ZNRF1: variants seen among roughly 807,000 people sequenced by gnomAD.
ZNRF1 encodes zinc and ring finger 1, also known as E3 ubiquitin-protein ligase ZNRF1.
In ZNRF1, 3 loss-of-function variants were observed where a neutral mutation model predicts 18.4. The observed-to-expected ratio is 0.16, with a 90% CI of 0.07 to 0.42. ZNRF1 has a LOEUF of 0.42. ZNRF1 is among the 10% of genes least tolerant of loss of function. ZNRF1 has a pLI of 0.99. For synonymous variants in ZNRF1, 157 were observed against 144.2 expected (o/e 1.09, Z -0.64); for missense variants, 310 against 329.8 (o/e 0.94, Z 0.47).
intron 1 of ZNRF1, among the ~76,000 whole-genome samples, chr16:75,086,498 G>A (rs946344469): frequency 2.6e-5 from 4 of 152,210 alleles, no homozygotes; most frequent in Admixed American, 6.5e-5. Context: ...CTCAGCAACT[G>A]ATAAATTGTG....
intron 1 of ZNRF1, among the ~76,000 whole-genome samples, chr16:75,065,653 G>A (rs2035793751): frequency 6.6e-6 from 1 of 152,206 alleles, no homozygotes; most frequent in African/African-American, 2.4e-5. Flanking sequence ...AAGCATGGGT[G>A]TGTACACTCA....
At chr16:75,022,059 C>T (rs1163195880) in intron 1 of ZNRF1, among the ~76,000 whole-genome samples, 2 of 152,144 alleles carry the variant, frequency 1.3e-5, no homozygotes, top group Middle Eastern at 3.2e-3. Context: ...GTACACTAAT[C>T]CTTCCGTCCG....
intron 1 of ZNRF1, among the ~76,000 whole-genome samples, chr16:75,010,701 G>GTTTTTTTTTTTTTTTTTTTT (rs1334552920): frequency 2.4e-4 from 15 of 63,804 alleles, no homozygotes; most frequent in Admixed American, 5.8e-4. Context: ...GTACTGTACT[G>GTTTTTTTTTTTTTTTTTTTT]TTTTTTTTTG....
intron 1 of ZNRF1, among the ~76,000 whole-genome samples, chr16:75,004,080 C>T (rs1046123804): frequency 2.0e-5 from 3 of 152,000 alleles, no homozygotes; most frequent in Admixed American, 6.6e-5. Context: ...CCCAGCTTGG[C>T]TTCCCAAAGT....
intron 1 of ZNRF1, among the ~76,000 whole-genome samples, chr16:75,070,444 A>G (rs1386591935): frequency 6.6e-6 from 1 of 152,174 alleles, no homozygotes; most frequent in East Asian, 1.9e-4. Context: ...TGATGCACCT[A>G]AACCCTCAAT....
intron 1 of ZNRF1, among the ~76,000 whole-genome samples, chr16:75,018,712 T>G (rs1250330156): frequency 2.6e-5 from 4 of 152,242 alleles, no homozygotes; most frequent in African/African-American, 9.6e-5. Flanking sequence ...TTTCTAATGT[T>G]AAATTATCCT....
chr16:75,042,159 T>G (rs2035456463), intron 1 of ZNRF1, among the ~76,000 whole-genome samples: 1 of 152,336 alleles, frequency 6.6e-6, no homozygotes, highest in East Asian at 1.9e-4. Flanking sequence ...TTGTCAGATA[T>G]GATTTGCAAC....
At chr16:75,048,474 C>T (rs1430482559) in intron 1 of ZNRF1, among the ~76,000 whole-genome samples, 1 of 152,122 alleles carries the variant, frequency 6.6e-6, no homozygotes, top group African/African-American at 2.4e-5. Flanking sequence ...TGAATTAAAG[C>T]AGTGAAAGTG....
intron 1 of ZNRF1, among the ~76,000 whole-genome samples, chr16:75,026,918 GAAAGAA>G (rs965344095): frequency 4.0e-4 from 60 of 148,374 alleles, no homozygotes; most frequent in African/African-American, 1.4e-3. Flanking sequence ...AAAAAAGAAA[GAAAGAA>G]AAAGAATATC....
intron 1 of ZNRF1, among the ~76,000 whole-genome samples, chr16:75,061,459 A>G (rs1319442864): frequency 4.1e-5 from 1 of 24,104 alleles, no homozygotes; most frequent in African/African-American, 5.7e-5. Context: ...CTCCGGTTCC[A>G]CTCATGTTGT....
chr16:75,062,520 C>T (rs1485311296), intron 1 of ZNRF1, among the ~76,000 whole-genome samples: 6 of 152,210 alleles, frequency 3.9e-5, no homozygotes, highest in Non-Finnish European at 8.8e-5. Flanking sequence ...CAGCTTTGGC[C>T]GCATGCCCCC....
At chr16:75,016,981 G>A (rs1457449562) in intron 1 of ZNRF1, among the ~76,000 whole-genome samples, 25 of 152,302 alleles carry the variant, frequency 1.6e-4, no homozygotes, top group African/African-American at 5.8e-4. Context: ...AGAGTACCAG[G>A]AACTGCTCTG....
intron 1 of ZNRF1, among the ~76,000 whole-genome samples, chr16:75,001,274 C>T (rs998738753): frequency 3.3e-5 from 5 of 151,776 alleles, no homozygotes; most frequent in South Asian, 2.1e-4. Context: ...TATCTCTTTC[C>T]CCCCCCCTGC....
intron 1 of ZNRF1, among the ~76,000 whole-genome samples, chr16:75,014,565 G>A (rs2035041884): frequency 6.6e-6 from 1 of 152,090 alleles, no homozygotes; most frequent in African/African-American, 2.4e-5. Context: ...GGATATTAAA[G>A]TTATTTTTAG....
At chr16:75,049,348 G>A (rs996486324) in intron 1 of ZNRF1, among the ~76,000 whole-genome samples, 1 of 151,784 alleles carries the variant, frequency 6.6e-6, no homozygotes, top group African/African-American at 2.4e-5. Flanking sequence ...AAATTTTTTA[G>A]ACCAGGTCTC....
At chr16:75,099,495 GAC>G (rs1315967827) in intron 2 of ZNRF1, among the ~76,000 whole-genome samples, 1 of 152,140 alleles carries the variant, frequency 6.6e-6, no homozygotes, top group Admixed American at 6.5e-5. Context: ...GACAGGCACT[GAC>G]ACCATCCCCA....
rs1226229158 is a variant in ZNRF1, at chr16:75,110,984, G to A, written c.*3284G>A. The A allele has an allele frequency of 1.3e-5, 2 of 152,328 alleles. No homozygotes were observed. The highest frequency in any genetic ancestry group is 2.4e-5 in the African/African-American group (1 of 41,466). The allele number at this position is 152,328 out of a possible 1,614,324, so 9.4% of individuals were successfully genotyped here. On this transcript the variant is annotated 3_prime_UTR_variant, in exon 5 of 5. Transcript: ENST00000335325. ...CAGCACGGGACAGAAACGTCACGGAGGAGTAGCCTCCAGGCTCAGGTTGGT... is the reference window on the plus strand; with the variant it reads ...CAGCACGGGACAGAAACGTCACGGAAGAGTAGCCTCCAGGCTCAGGTTGGT...
intron 1 of ZNRF1, among the ~76,000 whole-genome samples, chr16:75,029,814 C>T (rs773891721): frequency 6.6e-6 from 1 of 151,814 alleles, no homozygotes; most frequent in Non-Finnish European, 1.5e-5. Flanking sequence ...GTGGGCTGAT[C>T]ACTTGAGGTC....
chr16:75,036,681 C>A (rs1032567917), intron 1 of ZNRF1, among the ~76,000 whole-genome samples: 2 of 146,690 alleles, frequency 1.4e-5, no homozygotes, highest in African/African-American at 5.1e-5. Flanking sequence ...CATTCATTTT[C>A]TTTCTCAGCT....
Sources: gnomAD v4.1 joint callset for allele counts (sites outside exome capture counted in the v4.1 genomes callset) on GRCh38, gnomAD v4.1.1 for gene constraint, MANE v1.5 for transcripts, NCBI Gene and HGNC (gene_info 2026-07-23, HGNC 2026-07-21) for gene names.